DCTN5: variants seen among roughly 807,000 people sequenced by gnomAD.
The protein encoded by DCTN5 is dynactin subunit 5.
A neutral mutation model predicts 23.5 loss-of-function variants in DCTN5; 14 were observed. The ratio of observed to expected loss-of-function variants is 0.60; its 90% CI spans 0.39 to 0.93. The LOEUF is 0.93. Among genes scored for constraint, DCTN5 ranks in the 40% least tolerant of loss-of-function variants. DCTN5 has a pLI of 0.00. For missense variants in DCTN5, 156 were observed against 225.9 expected (o/e 0.69, Z 1.98); for synonymous variants, 67 against 79.6 (o/e 0.84, Z 0.84).
At chr16:23,655,656 C>T (rs1292811282) in intron 2 of DCTN5, among the ~76,000 whole-genome samples, 1 of 152,118 alleles carries the variant, frequency 6.6e-6, no homozygotes, top group African/African-American at 2.4e-5. Context: ...ACAATCCCCC[C>T]ACCGCAGACT....
intron 5 of DCTN5, 119 bp from the exon 6 acceptor site, chr16:23,666,928 A>G (rs1260236991): frequency 1.0e-5 from 15 of 1,493,468 alleles, no homozygotes; most frequent in Non-Finnish European, 1.3e-5. Flanking sequence ...AGCCTCAGCG[A>G]TTATTTAAGT....
At chr16:23,664,098 T>C (rs139247603) in intron 4 of DCTN5, among the ~76,000 whole-genome samples, 2 of 152,348 alleles carry the variant, frequency 1.3e-5, no homozygotes, top group African/African-American at 4.8e-5. Flanking sequence ...CAGGAATTCT[T>C]AGGGTTTATG....
At chr16:23,647,981 CT>C (rs751023937) in intron 2 of DCTN5, among the ~76,000 whole-genome samples, 80 of 152,094 alleles carry the variant, frequency 5.3e-4, no homozygotes, top group African/African-American at 1.8e-3. Context: ...TGTTCCTCCC[CT>C]ATTCCTATTT....
At position 23,645,114 on chromosome 16, in the gene DCTN5, TATATATATATATATATATATA is replaced by T. The variant is rs1369676220; in HGVS notation, c.117+2092_117+2112del. Reference sequence around the variant, plus strand: ...ATATATATATATATATATATATATATATATATATATATATATATATATATTTTTTTTTTTTTTAATACGCAG... The same window carrying T: ...ATATATATATATATATATATATATATTATTTTTTTTTTTTTTAATACGCAG... On this transcript the variant is annotated intron_variant, in intron 2 of 5. Transcript: ENST00000300087. 7.8e-3 allele frequency among the ~76,000 whole-genome samples: 319 copies of T among 40,700 alleles called. 19 individuals carry two copies. Among genetic ancestry groups the T allele is most frequent in the Middle Eastern group, 0.01 (1 of 96 alleles). 26.7% of individuals were successfully genotyped at this position (40,700 alleles called of 152,430 possible).
intron 3 of DCTN5, among the ~76,000 whole-genome samples, chr16:23,660,426 G>A (rs1967788709): frequency 6.6e-6 from 1 of 152,170 alleles, no homozygotes; most frequent in South Asian, 2.1e-4. Context: ...CAGAACCACT[G>A]TCAGTGACAT....
chr16:23,675,023 C>T lies in DCTN5; in HGVS notation c.*7879C>T, dbSNP rs1418342351. 6.6e-6 allele frequency: 1 copy of T among 152,120 alleles called. No homozygotes were observed. The highest frequency in any genetic ancestry group is 1.5e-5 in the Non-Finnish European group (1 of 68,020). The allele number at this position is 152,120 out of a possible 1,614,324, so 9.4% of individuals were successfully genotyped here. ...AACAATCCCATTTTAACTTAGTTAC[C>T]TCTTCAGGGCCTATCTTCAAATATA... On this transcript the variant is annotated 3_prime_UTR_variant, in exon 6 of 6. Transcript: ENST00000300087.
In DCTN5 at chr16:23,645,087, A is replaced by ATC. The variant is rs1390839669; in HGVS notation, c.117+2065_117+2066insCT. 8.5e-3 allele frequency among the ~76,000 whole-genome samples: 94 copies of ATC among 11,044 alleles called. 5 individuals carry two copies. In the South Asian group the frequency reaches 0.19, roughly 22 times the overall value. 7.2% of individuals were successfully genotyped at this position (11,044 alleles called of 152,430 possible). ...GAGCCACTGCACCCAGCCTAACTAT[A>ATC]TATATATATATATATATATATATAT... is the stretch of plus-strand genomic sequence containing the variant. On this transcript the variant is annotated intron_variant, in intron 2 of 5. Coordinates refer to ENST00000300087, the MANE Select transcript of DCTN5 (RefSeq NM_032486.4).
chr16:23,651,477 A>T (rs1361484747), intron 2 of DCTN5, among the ~76,000 whole-genome samples: 3 of 152,180 alleles, frequency 2.0e-5, no homozygotes, highest in Non-Finnish European at 2.9e-5. Flanking sequence ...TGACAAACAG[A>T]CTTATGTGGA....
At chr16:23,646,029 AC>A (rs1164643563) in intron 2 of DCTN5, among the ~76,000 whole-genome samples, 2 of 152,166 alleles carry the variant, frequency 1.3e-5, no homozygotes, top group Non-Finnish European at 2.9e-5. Flanking sequence ...AAATGGCTGC[AC>A]CATTTTACGT....
intron 2 of DCTN5, among the ~76,000 whole-genome samples, chr16:23,655,588 G>A (rs1433463771): frequency 6.6e-6 from 1 of 151,168 alleles, no homozygotes; most frequent in Non-Finnish European, 1.5e-5. Flanking sequence ...CTGTCACCCA[G>A]GTGGGAGTGC....
In DCTN5 at chr16:23,675,497, C is replaced by T. The variant is rs1390426373; in HGVS notation, c.*8353C>T. On this transcript the variant is annotated 3_prime_UTR_variant, in exon 6 of 6. Transcript: ENST00000300087. ...CCTGGGCAACAGAGCCAGACCATAT[C>T]TCAAAAAAAAAAAAAAAAAAGTTTA... 1.7e-4 allele frequency: 5 copies of T among 30,236 alleles called. No individual in the cohort carries two copies. Among genetic ancestry groups the T allele is most frequent in the Non-Finnish European group, 2.5e-4 (3 of 11,878 alleles). 1.9% of individuals were successfully genotyped at this position (30,236 alleles called of 1,614,324 possible). A position where few individuals can be genotyped will look rare whatever the true frequency, so the allele number is the denominator to read the frequency against.
intron 2 of DCTN5, chr16:23,650,961 C>T (rs533566007): frequency 8.5e-5 from 123 of 1,439,226 alleles, no homozygotes; most frequent in Admixed American, 2.3e-4. Flanking sequence ...ATCAGCTTTC[C>T]AGAGCGTCTG....
intron 2 of DCTN5, among the ~76,000 whole-genome samples, chr16:23,645,122 TATA>T (rs1967418588): frequency 1.7e-4 from 7 of 40,890 alleles, no homozygotes; most frequent in African/African-American, 6.0e-4. Flanking sequence ...TATATATATA[TATA>T]TATATATATA....
intron 2 of DCTN5, among the ~76,000 whole-genome samples, chr16:23,655,249 A>G (rs1421106379): frequency 2.6e-5 from 4 of 151,902 alleles, no homozygotes; most frequent in African/African-American, 9.7e-5. Flanking sequence ...ATTCCCACAA[A>G]CTCATTTACC....
chr16:23,646,824 C>T (rs1967470827), intron 2 of DCTN5, among the ~76,000 whole-genome samples: 1 of 152,176 alleles, frequency 6.6e-6, no homozygotes, highest in Non-Finnish European at 1.5e-5. Context: ...GATCTGCCAG[C>T]CTCGGCGTCC....
chr16:23,645,123 ATATATATATATATAT>A (rs1471583239), intron 2 of DCTN5, among the ~76,000 whole-genome samples: 2 of 32,100 alleles, frequency 6.2e-5, no homozygotes, highest in East Asian at 8.2e-4. Context: ...ATATATATAT[ATATATATATATATAT>A]TTTTTTTTTT....
rs779696050 is a variant in DCTN5, at chr16:23,641,564, TACA to T, written c.27_29del (p.Asn9del). ...GGCCATGGAGTTGGGCGAGCTGCTC[TACA>T]ACAAGTCTGAGTACATCGAGACGGT... On this transcript the variant is annotated inframe_deletion, in exon 1 of 6. Transcript: ENST00000300087. 4.0e-5 allele frequency: 65 copies of T among 1,613,964 alleles called. No homozygotes were observed. The highest frequency in any genetic ancestry group is 5.4e-5 in the Non-Finnish European group (64 of 1,179,948).
rs557053576 is a variant in DCTN5, at chr16:23,675,676, C to T, written c.*8532C>T. ...TGGAGAAAATAATTAAAGCCTGGCA[C>T]CTGGGGAGGCTTGATCCCTGGAAGC... On this transcript the variant is annotated 3_prime_UTR_variant, in exon 6 of 6. Transcript: ENST00000300087. The T allele has an allele frequency of 1.3e-5, 2 of 152,240 alleles. No homozygotes were observed. Among genetic ancestry groups the T allele is most frequent in the South Asian group, 4.2e-4 (2 of 4,812 alleles). The allele number at this position is 152,240 out of a possible 1,614,324, so 9.4% of individuals were successfully genotyped here.
In DCTN5 at chr16:23,659,081, C is replaced by T. The variant is rs375322847; in HGVS notation, c.236+456C>T. ...ATACCTGCCCCATTTGTTCATGGAG[C>T]CTACCTTGCTGACTCAGCCTCTAAT... On this transcript the variant is annotated intron_variant, in intron 3 of 5. Coordinates refer to ENST00000300087, the MANE Select transcript of DCTN5 (RefSeq NM_032486.4). Among the ~76,000 whole-genome samples, 9 of 152,236 alleles carry T rather than the reference C, an allele frequency of 5.9e-5. No homozygotes were observed. The East Asian group carries it at 1.5e-3, about 26-fold the overall frequency.
Sources: gnomAD v4.1 joint callset for allele counts (sites outside exome capture counted in the v4.1 genomes callset) on GRCh38, gnomAD v4.1.1 for gene constraint, MANE v1.5 for transcripts, NCBI Gene and HGNC (gene_info 2026-07-23, HGNC 2026-07-21) for gene names.